ZBTB25: variants seen among roughly 807,000 people sequenced by gnomAD.
The protein encoded by ZBTB25 is zinc finger and BTB domain-containing protein 25.
In ZBTB25, 20 loss-of-function variants were observed where a neutral mutation model predicts 34.2. The observed-to-expected ratio is 0.58, with a 90% CI of 0.41 to 0.85. The LOEUF (loss-of-function observed/expected upper bound fraction) is 0.85. Ranked by LOEUF, ZBTB25 falls within the 40% of genes least tolerant of loss-of-function variation. The pLI, the probability that ZBTB25 is intolerant of heterozygous loss-of-function variation, is 0.00. For synonymous variants in ZBTB25, 175 were observed against 186.4 expected (o/e 0.94, Z 0.50); for missense variants, 437 against 521.8 (o/e 0.84, Z 1.58).
At position 64,469,746 on chromosome 14, in the gene ZBTB25, T is replaced by G. The variant is rs952177694; in HGVS notation, c.174-20108A>C. The stretch of plus-strand genomic sequence containing the variant: ...GAATTCTTTTATACATTTGTGGCAT[T>G]TCTTACTCAGTAACAAATGAGAGAT... On this transcript the variant is annotated intron_variant, in intron 2 of 2. Transcript: ENST00000555220. 1.1e-5 allele frequency: 13 copies of G among 1,166,948 alleles called. No individual in the cohort carries two copies. In the African/African-American group the frequency reaches 2.0e-4, roughly 18 times the overall value. 72.3% of individuals were successfully genotyped at this position (1,166,948 alleles called of 1,614,324 possible).
intron 2 of ZBTB25, chr14:64,470,796 T>C (rs1007717732): frequency 1.2e-5 from 2 of 166,992 alleles, no homozygotes; most frequent in African/African-American, 4.8e-5. Context: ...AAGGGGAATA[T>C]TATTCTTCAT....
At chr14:64,492,853 A>G (rs2079133103) in intron 1 of ZBTB25, among the ~76,000 whole-genome samples, 3 of 152,208 alleles carry the variant, frequency 2.0e-5, no homozygotes. Context: ...AGACAGAAAA[A>G]AATGACAAGA....
intron 1 of ZBTB25, among the ~76,000 whole-genome samples, chr14:64,492,276 G>A (rs926198372): frequency 1.3e-5 from 2 of 151,404 alleles, no homozygotes; most frequent in African/African-American, 2.4e-5. Context: ...GCTCCATCTC[G>A]GCTTACTGCA....
chr14:64,475,586 G>A (rs2078712492), downstream of ZBTB25, among the ~76,000 whole-genome samples: 1 of 151,938 alleles, frequency 6.6e-6, no homozygotes, highest in Admixed American at 6.6e-5. Context: ...CAACCCTTTT[G>A]TGAATACCTA....
chr14:64,465,683 G>A (rs1209893288), intron 2 of ZBTB25: 1 of 152,190 alleles, frequency 6.6e-6, no homozygotes, highest in Non-Finnish European at 1.5e-5. Flanking sequence ...CGCGGACCGC[G>A]GAGTGGGCAA....
chr14:64,492,699 CA>C (rs1391262935), intron 1 of ZBTB25, among the ~76,000 whole-genome samples: 1 of 152,014 alleles, frequency 6.6e-6, no homozygotes, highest in Non-Finnish European at 1.5e-5. Flanking sequence ...TGAGACATAG[CA>C]CACTAATAAG....
chr14:64,503,248 G>C (rs954703576), intron 1 of ZBTB25: 3 of 985,368 alleles, frequency 3.0e-6, no homozygotes, highest in Admixed American at 1.2e-4. Flanking sequence ...GGAAACAGTA[G>C]CCGCAGCGTC....
At chr14:64,469,674 A>T (rs1566587675) in intron 2 of ZBTB25, 2 of 1,569,040 alleles carry the variant, frequency 1.3e-6, no homozygotes, top group Non-Finnish European at 1.7e-6. Context: ...AATCTTCTAC[A>T]GTGACTTACT....
rs554780612 is a variant in ZBTB25, at chr14:64,502,809, GTCT to G, written c.-8+849_-8+851del. On this transcript the variant is annotated intron_variant, in intron 1 of 2. Coordinates refer to ENST00000608382, the MANE Select transcript of ZBTB25 (RefSeq NM_006977.5). ...CTACATCACGCTCTTCAGGCCTGGT[GTCT>G]TCTCTGTAAAACGAGAGGGATGAAA... is the stretch of plus-strand genomic sequence containing the variant. 4.4e-4 allele frequency: 426 copies of G among 962,138 alleles called. 1 individual carries two copies. The African/African-American group carries it at 7.1e-3, about 16-fold the overall frequency. The allele number at this position is 962,138 out of a possible 1,614,324, so 59.6% of individuals were successfully genotyped here.
chr14:64,453,914 G>A, intron 2 of ZBTB25: 1 of 1,160,460 alleles, frequency 8.6e-7, no homozygotes, highest in Non-Finnish European at 1.3e-6. Flanking sequence ...AGGACTTGGA[G>A]TCACAATCTC....
downstream of ZBTB25, among the ~76,000 whole-genome samples, chr14:64,475,370 C>A (rs1480620858): frequency 2.0e-5 from 3 of 151,702 alleles, no homozygotes; most frequent in African/African-American, 7.3e-5. Context: ...ACCCGGGAGG[C>A]AGAGCTTGCA....
chr14:64,497,842 G>C (rs113460487), intron 1 of ZBTB25, among the ~76,000 whole-genome samples: 1,710 of 152,290 alleles, frequency 0.011, 23 homozygotes, highest in South Asian at 0.067. Flanking sequence ...CTCTCAGGCT[G>C]TAAGAATCCT....
At chr14:64,463,227 AACACACACACACAC>A (rs60057039) in intron 2 of ZBTB25, 3 of 144,098 alleles carry the variant, frequency 2.1e-5, no homozygotes, top group Admixed American at 7.0e-5. Context: ...GGATACATTA[AACACACACACACAC>A]ACACACACAC....
In ZBTB25 at chr14:64,484,388, G is replaced by C. The variant is rs1357918038; in HGVS notation, c.*2535C>G. 1.3e-5 allele frequency: 2 copies of C among 152,302 alleles called. No homozygotes were observed. The highest frequency in any genetic ancestry group is 4.8e-5 in the African/African-American group (2 of 41,422). 9.4% of individuals were successfully genotyped at this position (152,302 alleles called of 1,614,324 possible). A position where few individuals can be genotyped will look rare whatever the true frequency, so the allele number is the denominator to read the frequency against. On this transcript the variant is annotated 3_prime_UTR_variant, in exon 3 of 3. Transcript: ENST00000608382. Reference sequence around the variant, plus strand: ...ATATACAAGGATTTCCTGTGTCAAAGAATAATGAGTGGGCCTGGCACGGTG... The same window carrying C: ...ATATACAAGGATTTCCTGTGTCAAACAATAATGAGTGGGCCTGGCACGGTG...
intron 2 of ZBTB25, chr14:64,468,492 C>A: frequency 6.2e-7 from 1 of 1,614,052 alleles, no homozygotes; most frequent in Middle Eastern, 1.6e-4. Context: ...GAAAAGGCAT[C>A]CATGCTTTGC....
chr14:64,496,051 T>C (rs1272227619), intron 1 of ZBTB25, among the ~76,000 whole-genome samples: 2 of 152,112 alleles, frequency 1.3e-5, no homozygotes, highest in African/African-American at 4.8e-5. Context: ...CCCCCAACAT[T>C]GTGTTCTTTT....
At chr14:64,493,816 C>T (rs2079172162) in intron 1 of ZBTB25, among the ~76,000 whole-genome samples, 1 of 149,838 alleles carries the variant, frequency 6.7e-6, no homozygotes, top group Non-Finnish European at 1.5e-5. Context: ...CAGAAACCGT[C>T]TTGATAAGAG....
chr14:64,466,181 TG>T (rs1301287401), intron 2 of ZBTB25, among the ~76,000 whole-genome samples: 1 of 152,184 alleles, frequency 6.6e-6, no homozygotes, highest in Non-Finnish European at 1.5e-5. Flanking sequence ...CATCAGGAAA[TG>T]AGCACAGGGA....
chr14:64,493,663 G>C (rs1389830725), intron 1 of ZBTB25, among the ~76,000 whole-genome samples: 1 of 152,158 alleles, frequency 6.6e-6, no homozygotes, highest in Admixed American at 6.6e-5. Flanking sequence ...TCACCACAGA[G>C]ATCAAATCAA....
Sources: allele counts gnomAD v4.1 joint callset (sites outside exome capture counted in the v4.1 genomes callset), GRCh38; gene constraint gnomAD v4.1.1; transcripts MANE v1.5; gene names NCBI Gene and HGNC (gene_info 2026-07-23, HGNC 2026-07-21).